SPAG16: variants seen among roughly 807,000 people sequenced by gnomAD.
SPAG16 encodes the protein sperm associated antigen 16, also known as sperm-associated antigen 16 protein.
A neutral mutation model predicts 80.4 loss-of-function variants in SPAG16; 86 were observed. The ratio of observed to expected loss-of-function variants is 1.07; its 90% confidence interval spans 0.90 to 1.28. SPAG16 has a LOEUF of 1.28. SPAG16 is among the 50% of genes most tolerant of loss of function. SPAG16 has a pLI of 0.00. For synonymous variants in SPAG16, 294 were observed against 265.9 expected, an observed-to-expected ratio of 1.11 and a Z score of -1.03; for missense variants, 870 against 765.3, an observed-to-expected ratio of 1.14 and a Z score of -1.61.
intron 13 of SPAG16, among the ~76,000 whole-genome samples, chr2:214,035,819 C>A (rs1412039237): frequency 6.6e-6 from 1 of 152,148 alleles, no homozygotes; most frequent in Non-Finnish European, 1.5e-5. Context: ...GAGCTGTGCC[C>A]AGGGAGCACG....
At chr2:214,131,532 CTG>C (rs1203386422) in intron 14 of SPAG16, among the ~76,000 whole-genome samples, 2 of 151,920 alleles carry the variant, frequency 1.3e-5, no homozygotes, top group African/African-American at 4.8e-5. Flanking sequence ...TTATTCATAA[CTG>C]TGAAAACTTG....
At chr2:214,352,942 T>A (rs1698521412) in intron 15 of SPAG16, among the ~76,000 whole-genome samples, 1 of 152,136 alleles carries the variant, frequency 6.6e-6, no homozygotes, top group Non-Finnish European at 1.5e-5. Flanking sequence ...TGTTAATAGC[T>A]CTCTGCTGTG....
At chr2:214,182,121 T>C (rs1007610147) in intron 15 of SPAG16, among the ~76,000 whole-genome samples, 3 of 151,746 alleles carry the variant, frequency 2.0e-5, no homozygotes, top group Non-Finnish European at 2.9e-5. Flanking sequence ...CTCTCTACCT[T>C]TTGCTGGAGA....
At chr2:213,644,161 T>G (rs914160625) in intron 10 of SPAG16, among the ~76,000 whole-genome samples, 1 of 151,768 alleles carries the variant, frequency 6.6e-6, no homozygotes, top group African/African-American at 2.4e-5. Flanking sequence ...GCTAATTGCA[T>G]TTTTCAGCTA....
chr2:213,592,419 T>A (rs1415421499), intron 10 of SPAG16, among the ~76,000 whole-genome samples: 1 of 152,200 alleles, frequency 6.6e-6, no homozygotes, highest in Non-Finnish European at 1.5e-5. Context: ...TTCTGAAGTA[T>A]TTGCTTAAAA....
intron 10 of SPAG16, among the ~76,000 whole-genome samples, chr2:213,688,580 A>T (rs2064797765): frequency 6.6e-6 from 1 of 152,228 alleles, no homozygotes; most frequent in Non-Finnish European, 1.5e-5. Flanking sequence ...GGTTAAATAA[A>T]ACCCATCTAA....
At chr2:214,044,041 A>G (rs2049178046) in intron 13 of SPAG16, among the ~76,000 whole-genome samples, 1 of 151,964 alleles carries the variant, frequency 6.6e-6, no homozygotes, top group African/African-American at 2.4e-5. Flanking sequence ...AGAATTATAT[A>G]TTATTGTCTT....
intron 10 of SPAG16, among the ~76,000 whole-genome samples, chr2:213,566,310 A>G (rs1191929037): frequency 6.6e-6 from 1 of 152,156 alleles, no homozygotes; most frequent in Admixed American, 6.6e-5. Context: ...TTAAAACGTT[A>G]TATTATTAGT....
At chr2:213,618,332 G>T (rs2061665052) in intron 10 of SPAG16, among the ~76,000 whole-genome samples, 1 of 152,100 alleles carries the variant, frequency 6.6e-6, no homozygotes, top group South Asian at 2.1e-4. Context: ...CTCACTGCCT[G>T]ATCACTCCCT....
intron 10 of SPAG16, among the ~76,000 whole-genome samples, chr2:213,820,662 A>C (rs2072884061): frequency 6.6e-6 from 1 of 152,066 alleles, no homozygotes; most frequent in South Asian, 2.1e-4. Flanking sequence ...AAGACTTCTA[A>C]ATAAATTTTA....
intron 10 of SPAG16, among the ~76,000 whole-genome samples, chr2:213,597,210 A>G (rs2124952888): frequency 6.6e-6 from 1 of 152,166 alleles, no homozygotes; most frequent in East Asian, 1.9e-4. Context: ...TCATTCATTC[A>G]CATGTTGATT....
chr2:213,352,533 CAA>C (rs1285758786), intron 7 of SPAG16, among the ~76,000 whole-genome samples: 2 of 152,148 alleles, frequency 1.3e-5, no homozygotes, highest in Non-Finnish European at 2.9e-5. Context: ...ATTTGTGTTT[CAA>C]GTTGCTCCTT....
intron 9 of SPAG16, among the ~76,000 whole-genome samples, chr2:213,411,258 A>G (rs922568781): frequency 1.3e-5 from 2 of 152,230 alleles, no homozygotes; most frequent in Non-Finnish European, 2.9e-5. Flanking sequence ...AGTCTATTTA[A>G]ACGCAACTGG....
intron 10 of SPAG16, among the ~76,000 whole-genome samples, chr2:213,761,948 G>C (rs1364969756): frequency 6.6e-6 from 1 of 151,974 alleles, no homozygotes; most frequent in African/African-American, 2.4e-5. Flanking sequence ...AGGCAAAAAT[G>C]CTCAAAAAAT....
intron 1 of SPAG16, among the ~76,000 whole-genome samples, chr2:213,285,127 G>A (rs896309278): frequency 6.6e-6 from 1 of 152,128 alleles, no homozygotes; most frequent in African/African-American, 2.4e-5. Flanking sequence ...TAAATGCTTA[G>A]TTTTGATAGC....
chr2:213,574,688 T>TATATATGATATATG, intron 10 of SPAG16, among the ~76,000 whole-genome samples: 1 of 148,278 alleles, frequency 6.7e-6, no homozygotes, highest in East Asian at 2.0e-4. Context: ...ATATATGATA[T>TATATATGATATATG]ATATATGATA....
chr2:213,492,423 G>A (rs962940441), intron 10 of SPAG16, among the ~76,000 whole-genome samples: 2 of 151,914 alleles, frequency 1.3e-5, no homozygotes, highest in Non-Finnish European at 2.9e-5. Context: ...GGTGGTGGGC[G>A]CCTGTAGTCC....
chr2:213,768,740 A>C (rs541080137), intron 10 of SPAG16, among the ~76,000 whole-genome samples: 1 of 152,298 alleles, frequency 6.6e-6, no homozygotes, highest in African/African-American at 2.4e-5. Flanking sequence ...GGCTCAGGAG[A>C]AAGATCTGAG....
chr2:213,476,117 A>G lies in SPAG16; in HGVS notation c.943-13846A>G, dbSNP rs528570723. ...TACACTCCCGATAACTAAGCCAAGT[A>G]TTCATTCTACCCACTAATATTATCT... On this transcript the variant is annotated intron_variant, in intron 9 of 15. Coordinates refer to ENST00000331683, the MANE Select transcript of SPAG16 (RefSeq NM_024532.5). 7.2e-5 allele frequency among the ~76,000 whole-genome samples: 11 copies of G among 152,368 alleles called. 1 individual carries two copies. Among genetic ancestry groups the G allele is most frequent in the African/African-American group, 2.6e-4 (11 of 41,592 alleles).
Sources: gnomAD v4.1 joint callset for allele counts (sites outside exome capture counted in the v4.1 genomes callset) on GRCh38, gnomAD v4.1.1 for gene constraint, MANE v1.5 for transcripts, NCBI Gene and HGNC (gene_info 2026-07-23, HGNC 2026-07-21) for gene names.